The following CUX2 variants were observed in gnomAD, a reference collection of about 807,000 sequenced individuals.
The protein encoded by CUX2 is cut like homeobox 2, also known as homeobox protein cut-like 2.
A neutral mutation model predicts 144.8 loss-of-function variants in CUX2; 40 were observed. That is an observed-to-expected ratio of 0.28 (90% CI 0.21 to 0.36). CUX2 has a LOEUF of 0.36. Among genes scored for constraint, CUX2 ranks in the 10% least tolerant of loss-of-function variants. CUX2 has a pLI of 1.00. For synonymous variants in CUX2, 827 were observed against 875.6 expected (o/e 0.94, Z 0.98); for missense variants, 1,615 against 1,994.0 (o/e 0.81, Z 3.62).
chr12:111,274,990 A>G (rs1372773869), intron 4 of CUX2, among the ~76,000 whole-genome samples: 2 of 152,034 alleles, frequency 1.3e-5, no homozygotes, highest in Non-Finnish European at 2.9e-5. Context: ...AACCACCAAT[A>G]GCATCAGCTA....
intron 3 of CUX2, among the ~76,000 whole-genome samples, chr12:111,238,367 A>C (rs779679871): frequency 6.6e-6 from 1 of 152,222 alleles, no homozygotes; most frequent in Non-Finnish European, 1.5e-5. Flanking sequence ...TTGACACATA[A>C]TAATGTTGGC....
intron 1 of CUX2, among the ~76,000 whole-genome samples, chr12:111,155,388 G>T (rs1185127728): frequency 2.0e-5 from 3 of 152,174 alleles, no homozygotes; most frequent in Non-Finnish European, 4.4e-5. Flanking sequence ...TACTTCCTGG[G>T]CCATGATTCT....
intron 4 of CUX2, among the ~76,000 whole-genome samples, chr12:111,272,999 C>T (rs569663950): frequency 6.6e-6 from 1 of 152,166 alleles, no homozygotes; most frequent in Non-Finnish European, 1.5e-5. Flanking sequence ...CGAGCCGTGG[C>T]GTCTCATTAG....
chr12:111,192,835 A>G (rs1566286122), intron 1 of CUX2, among the ~76,000 whole-genome samples: 1 of 152,250 alleles, frequency 6.6e-6, no homozygotes, highest in Non-Finnish European at 1.5e-5. Context: ...GGAATTTTCC[A>G]GAAGCTATCC....
chr12:111,348,419 T>A lies in CUX2; in HGVS notation c.*94T>A. 8.5e-7 allele frequency: 1 copy of A among 1,176,974 alleles called. No individual in the cohort carries two copies. The highest frequency in any genetic ancestry group is 2.2e-5 in the Admixed American group (1 of 44,674). 72.9% of individuals were successfully genotyped at this position (1,176,974 alleles called of 1,614,324 possible). A position where few individuals can be genotyped will look rare whatever the true frequency, so the allele number is the denominator to read the frequency against. ...AGGATGGGGTAAGGGAGGGAGGAAC[T>A]CAACCATCAAAATGTGGACAGCAAT... is the stretch of plus-strand genomic sequence containing the variant. On this transcript the variant is annotated 3_prime_UTR_variant, in exon 22 of 22. Transcript: ENST00000261726.
intron 1 of CUX2, among the ~76,000 whole-genome samples, chr12:111,080,204 C>T (rs997575344): frequency 1.3e-5 from 2 of 152,220 alleles, no homozygotes; most frequent in Non-Finnish European, 1.5e-5. Flanking sequence ...TCAGAAGTTA[C>T]CTTCACAGGC....
At chr12:111,301,566 G>A (rs1041219185) in intron 9 of CUX2, among the ~76,000 whole-genome samples, 2 of 151,944 alleles carry the variant, frequency 1.3e-5, no homozygotes, top group African/African-American at 4.8e-5. Flanking sequence ...CACCCAGACT[G>A]GAGTGCTGTG....
Position 111,338,445 on chromosome 12 carries a change from T to G in CUX2, c.3356T>G (p.Leu1119Arg). 1 of 1,613,538 alleles carries G rather than the reference T, an allele frequency of 6.2e-7. No individual in the cohort carries two copies. Among genetic ancestry groups the G allele is most frequent in the Non-Finnish European group, 8.5e-7 (1 of 1,179,660 alleles). The change falls in exon 20 of 22, where the codon CTG becomes CGG. Residue 1119 changes from leucine to arginine, a missense_variant. Transcript: ENST00000261726. ...WLNDPHNVEK[L>R]RDMKKLEKKA... ...AATGACCCCCATAACGTGGAGAAGC[T>G]GAGGGATATGAAGAAGCTGGAGAAG...
intron 1 of CUX2, among the ~76,000 whole-genome samples, chr12:111,181,130 G>A (rs1317035866): frequency 1.3e-5 from 2 of 152,244 alleles, no homozygotes; most frequent in African/African-American, 2.4e-5. Context: ...CCGCGGGGCC[G>A]CCGCGTGCCA....
chr12:111,232,876 G>A (rs187030317), intron 3 of CUX2, among the ~76,000 whole-genome samples: 241 of 152,298 alleles, frequency 1.6e-3, no homozygotes, highest in African/African-American at 5.2e-3. Flanking sequence ...AGACAAAGAC[G>A]AGTCCCTCAC....
At position 111,310,543 on chromosome 12, in the gene CUX2, G is replaced by A. The variant is rs558030868; in HGVS notation, c.1761G>A (p.Ser587=). 23 of 1,614,054 alleles carry A rather than the reference G, an allele frequency of 1.4e-5. No homozygotes were observed. Among genetic ancestry groups the A allele is most frequent in the African/African-American group, 4.0e-5 (3 of 75,078 alleles). ...GHYVLGLSQG[S]VSEILARPKP... ...ACGTGCTGGGGCTGTCGCAGGGCTC[G>A]GTCAGCGAGATCCTAGCCCGGCCCA... The change falls in exon 15 of 22, where the codon TCG becomes TCA. Residue 587 remains serine, a synonymous_variant. Coordinates refer to ENST00000261726, the MANE Select transcript of CUX2 (RefSeq NM_015267.4). The surrounding 1 kb of genome is among the most constrained non-coding windows in gnomAD (Gnocchi z 7.9).
intron 1 of CUX2, among the ~76,000 whole-genome samples, chr12:111,200,135 G>C (rs1474839561): frequency 6.6e-6 from 1 of 152,122 alleles, no homozygotes; most frequent in African/African-American, 2.4e-5. Context: ...ATGGTTTGGG[G>C]AGAGGAGAGG....
intron 1 of CUX2, among the ~76,000 whole-genome samples, chr12:111,133,713 G>T (rs1875658233): frequency 6.6e-6 from 1 of 152,170 alleles, no homozygotes; most frequent in Non-Finnish European, 1.5e-5. Flanking sequence ...AGAGGTGGTT[G>T]GGGGCGGGGG....
chr12:111,157,707 G>A (rs1160472215), intron 1 of CUX2, among the ~76,000 whole-genome samples: 1 of 152,232 alleles, frequency 6.6e-6, no homozygotes, highest in African/African-American at 2.4e-5. Context: ...GACACGGGAG[G>A]TGGCAGTGAG....
At chr12:111,252,146 A>G (rs552438940) in intron 3 of CUX2, among the ~76,000 whole-genome samples, 37 of 152,238 alleles carry the variant, frequency 2.4e-4, no homozygotes, top group African/African-American at 8.7e-4. Flanking sequence ...TGATGGCACC[A>G]CACCACTGCA....
intron 18 of CUX2, among the ~76,000 whole-genome samples, chr12:111,324,501 T>G (rs1021368321): frequency 6.7e-6 from 1 of 148,278 alleles, no homozygotes; most frequent in Non-Finnish European, 1.5e-5. Context: ...TGTTTTGTTT[T>G]GTTTTTGTTT....
intron 1 of CUX2, among the ~76,000 whole-genome samples, chr12:111,185,703 G>T (rs1005291020): frequency 1.3e-5 from 2 of 152,180 alleles, no homozygotes; most frequent in Non-Finnish European, 2.9e-5. Context: ...ATTAGCCTGG[G>T]TAGGCTCAGT....
chr12:111,214,173 CTTTT>C (rs373389929), intron 1 of CUX2, 23 bp from the exon 2 acceptor site: 795 of 1,001,010 alleles, frequency 7.9e-4, no homozygotes, highest in South Asian at 1.3e-3. Flanking sequence ...CTCTCTCTCT[CTTTT>C]TTTTTTTTTT....
intron 1 of CUX2, among the ~76,000 whole-genome samples, chr12:111,175,692 G>A (rs968181045): frequency 1.3e-5 from 2 of 152,074 alleles, no homozygotes; most frequent in African/African-American, 4.8e-5. Context: ...ATTAGCATGA[G>A]GGCCTATTAA....
Sources: gnomAD v4.1 joint callset for allele counts (sites outside exome capture counted in the v4.1 genomes callset) on GRCh38, gnomAD v4.1.1 for gene constraint, Gnocchi (gnomAD v3.1) non-coding constraint, MANE v1.5 for transcripts, NCBI Gene and HGNC (gene_info 2026-07-23, HGNC 2026-07-21) for gene names.